RFC1: variants seen among roughly 807,000 people sequenced by gnomAD.
RFC1 encodes the protein replication factor C subunit 1, also known as A1 140 kDa subunit.
RFC1 carries 37 observed loss-of-function variants against 137.4 expected under a neutral mutation model. The observed-to-expected ratio is 0.27, with a 90% CI of 0.21 to 0.35. The LOEUF (loss-of-function observed/expected upper bound fraction) is 0.35, where lower values mean the gene tolerates loss of function less well. Ranked by LOEUF, RFC1 falls within the 10% of genes least tolerant of loss-of-function variation. The pLI, the probability that RFC1 is intolerant of heterozygous loss-of-function variation, is 1.00. For missense variants in RFC1, 1,205 were observed against 1,358.5 expected, an observed-to-expected ratio of 0.89 and a Z score of 1.78; for synonymous variants, 429 against 455.7, an observed-to-expected ratio of 0.94 and a Z score of 0.75.
chr4:39,360,914 T>A (rs1034227383), intron 1 of RFC1, among the ~76,000 whole-genome samples: 4 of 152,220 alleles, frequency 2.6e-5, no homozygotes, highest in Non-Finnish European at 4.4e-5. Context: ...TGGTTAATAT[T>A]TTAAAACAGC....
intron 1 of RFC1, among the ~76,000 whole-genome samples, chr4:39,365,942 C>G (rs1742001842): frequency 6.6e-6 from 1 of 152,208 alleles, no homozygotes; most frequent in African/African-American, 2.4e-5. Context: ...GTCCCAAAAC[C>G]ACCATCCTTC....
chr4:39,356,700 AC>A (rs745638278), intron 1 of RFC1, among the ~76,000 whole-genome samples: 1 of 152,238 alleles, frequency 6.6e-6, no homozygotes, highest in Non-Finnish European at 1.5e-5. Context: ...CATTGTGGCT[AC>A]AAAAAACAAA....
intron 10 of RFC1, among the ~76,000 whole-genome samples, chr4:39,316,396 C>G (rs1229310570): frequency 6.6e-6 from 1 of 152,074 alleles, no homozygotes; most frequent in African/African-American, 2.4e-5. Flanking sequence ...AGAACCTTCC[C>G]CCTGCAGGAA....
In RFC1 at chr4:39,320,712, G is replaced by C. The variant is rs373720810; in HGVS notation, c.809-43C>G. 5 of 1,511,066 alleles carry C rather than the reference G, an allele frequency of 3.3e-6. No homozygotes were observed. In the African/African-American group the frequency reaches 7.1e-5, roughly 21 times the overall value. The allele number at this position is 1,511,066 out of a possible 1,614,324, so 93.6% of individuals were successfully genotyped here. ...ATTATGGTTGTTGTTTTTGGAAAAT[G>C]ATAATCTATATCAACTTTTCTTTCA... is the stretch of plus-strand genomic sequence containing the variant. On this transcript the variant is annotated intron_variant, in intron 8 of 24. Transcript: ENST00000349703.
At chr4:39,309,378 T>A (rs775193200) in intron 12 of RFC1, among the ~76,000 whole-genome samples, 5 of 152,202 alleles carry the variant, frequency 3.3e-5, no homozygotes, top group Non-Finnish European at 5.9e-5. Flanking sequence ...CAAAAACTTG[T>A]ACACAAATGT....
At chr4:39,353,316 C>T (rs561895593) in intron 1 of RFC1, among the ~76,000 whole-genome samples, 1 of 132,492 alleles carries the variant, frequency 7.5e-6, no homozygotes, top group African/African-American at 2.8e-5. Flanking sequence ...ACGAGAATCG[C>T]TTGAACCTGG....
chr4:39,302,152 CTACTATA>C, intron 19 of RFC1, 119 bp downstream of exon 19: 1 of 615,976 alleles, frequency 1.6e-6, no homozygotes, highest in South Asian at 2.1e-5. Context: ...TCTATACTTC[CTACTATA>C]TATCCCTGGA....
At chr4:39,333,452 A>G (rs1054746087) in intron 4 of RFC1, among the ~76,000 whole-genome samples, 7 of 152,184 alleles carry the variant, frequency 4.6e-5, no homozygotes, top group African/African-American at 1.2e-4. Context: ...TATTAGGAAC[A>G]TGAAAAGTAT....
At chr4:39,310,617 C>T (rs1192218916) in intron 12 of RFC1, among the ~76,000 whole-genome samples, 2 of 152,144 alleles carry the variant, frequency 1.3e-5, no homozygotes, top group African/African-American at 4.8e-5. Flanking sequence ...CTGAAGGGGT[C>T]CTCACAGCTT....
Position 39,351,369 on chromosome 4 carries a change from C to A in RFC1, c.111G>T (p.Lys37Asn). The change falls in exon 2 of 25, where the codon AAG becomes AAT. Residue 37 changes from lysine to asparagine, a missense_variant. Physicochemically the swap from Lys to Asn is moderately conservative, Grantham distance 94. Coordinates refer to ENST00000349703, the MANE Select transcript of RFC1 (RefSeq NM_002913.5). ...TKSDEETLKA[K>N]KGIKEIKVNS... The stretch of plus-strand genomic sequence containing the variant: ...TAACCTTGATTTCCTTTATTCCTTT[C>A]TTTGCTTTTAAAGTTTCTTCATCAG... 2 of 1,499,394 alleles carry A rather than the reference C, an allele frequency of 1.3e-6. No individual in the cohort carries two copies. The highest frequency in any genetic ancestry group is 1.3e-5 in the South Asian group (1 of 77,062). 92.9% of individuals were successfully genotyped at this position (1,499,394 alleles called of 1,614,324 possible).
chr4:39,348,633 C>G (rs1366723123), intron 2 of RFC1, among the ~76,000 whole-genome samples: 1 of 151,840 alleles, frequency 6.6e-6, no homozygotes, highest in Non-Finnish European at 1.5e-5. Context: ...TTCTGAGATT[C>G]CAGTGACAGG....
chr4:39,329,153 AGC>A (rs1739951400), intron 4 of RFC1, among the ~76,000 whole-genome samples: 80 of 137,434 alleles, frequency 5.8e-4, no homozygotes, highest in East Asian at 1.9e-3. Context: ...AAAAAAAAAA[AGC>A]TTTTCGATTT....
At chr4:39,334,696 T>G (rs904681528) in intron 4 of RFC1, among the ~76,000 whole-genome samples, 1 of 152,206 alleles carries the variant, frequency 6.6e-6, no homozygotes, top group African/African-American at 2.4e-5. Context: ...TAAGTCAAAT[T>G]GAGGAGAACT....
chr4:39,348,543 T>C (rs942903224), intron 2 of RFC1, among the ~76,000 whole-genome samples: 2 of 150,880 alleles, frequency 1.3e-5, no homozygotes, highest in East Asian at 3.9e-4. Context: ...AAAGAGATTA[T>C]GGGATTATAC....
intron 9 of RFC1, 34 bp downstream of exon 9, chr4:39,320,349 C>CAAAA (rs56374926): frequency 2.9e-5 from 32 of 1,119,574 alleles, no homozygotes; most frequent in African/African-American, 8.6e-5. Context: ...AACTCCATCT[C>CAAAA]AAAAAAAAAA....
intron 1 of RFC1, among the ~76,000 whole-genome samples, chr4:39,354,598 A>G (rs1280381627): frequency 6.6e-6 from 1 of 152,114 alleles, no homozygotes; most frequent in Non-Finnish European, 1.5e-5. Context: ...TTTACTACAC[A>G]AAAAGTGCCA....
At position 39,289,838 on chromosome 4, in the gene RFC1, A is replaced by C; in HGVS notation, c.3360+10T>G. 1.3e-6 allele frequency: 2 copies of C among 1,597,920 alleles called. No individual in the cohort carries two copies. The highest frequency in any genetic ancestry group is 1.7e-6 in the Non-Finnish European group (2 of 1,165,286). ...TTTGAGGTTCTCCTGTCTGTGGCTT[A>C]AAATACTACCTTGATCATGGCATCA... On this transcript the variant is annotated intron_variant, in intron 24 of 24. Coordinates refer to ENST00000349703, the MANE Select transcript of RFC1 (RefSeq NM_002913.5).
chr4:39,317,405 C>A lies in RFC1; in HGVS notation c.1096-383G>T, dbSNP rs544290488. The stretch of plus-strand genomic sequence containing the variant: ...AAAATACATTTTTTCCCCAAGTAAA[C>A]CTGATCGCCCGAGAAGATATTCTGT... On this transcript the variant is annotated intron_variant, in intron 9 of 24. Coordinates refer to ENST00000349703, the MANE Select transcript of RFC1 (RefSeq NM_002913.5). Among the ~76,000 whole-genome samples the A allele has an allele frequency of 6.6e-5, 10 of 152,288 alleles. No homozygotes were observed. In the South Asian group the frequency reaches 2.1e-3, roughly 32 times the overall value.
intron 4 of RFC1, among the ~76,000 whole-genome samples, chr4:39,332,845 T>C (rs754671199): frequency 2.0e-5 from 3 of 152,210 alleles, no homozygotes; most frequent in Non-Finnish European, 4.4e-5. Flanking sequence ...GGGCCGGACA[T>C]GGTGGCCCAC....
Sources: allele counts gnomAD v4.1 joint callset (sites outside exome capture counted in the v4.1 genomes callset), GRCh38; gene constraint gnomAD v4.1.1; transcripts MANE v1.5; gene names NCBI Gene and HGNC (gene_info 2026-07-23, HGNC 2026-07-21).